BBOF1: variants seen among roughly 807,000 people sequenced by gnomAD.
BBOF1 encodes basal body-orientation factor 1.
A neutral mutation model predicts 68.0 loss-of-function variants in BBOF1; 62 were observed. The ratio of observed to expected loss-of-function variants is 0.91; its 90% CI spans 0.74 to 1.13. The LOEUF is 1.13. Ranked by LOEUF, BBOF1 falls within the 50% of genes most tolerant of loss-of-function variation. BBOF1 has a pLI of 0.00. For missense variants in BBOF1, 534 were observed against 600.1 expected, an observed-to-expected ratio of 0.89 and a Z score of 1.15; for synonymous variants, 208 against 198.8, an observed-to-expected ratio of 1.05 and a Z score of -0.39.
At chr14:74,066,727 G>T, downstream of BBOF1, 2 of 1,613,970 alleles carry the variant, frequency 1.2e-6, no homozygotes, top group East Asian at 2.2e-5. Flanking sequence ...GATGATGGTT[G>T]GTCCAACAAA....
At chr14:74,076,693 T>C (rs1381372711) in intron 9 of BBOF1, among the ~76,000 whole-genome samples, 1 of 152,100 alleles carries the variant, frequency 6.6e-6, no homozygotes, top group Non-Finnish European at 1.5e-5. Context: ...CCCGCCACCA[T>C]GCCTGGCTAA....
intron 1 of BBOF1, among the ~76,000 whole-genome samples, chr14:74,019,912 C>T (rs1216072031): frequency 6.6e-6 from 1 of 152,242 alleles, no homozygotes; most frequent in African/African-American, 2.4e-5. Context: ...TAGATTGCTA[C>T]TAGCCCTATT....
intron 11 of BBOF1, chr14:74,057,979 T>G (rs901168709): frequency 2.4e-6 from 2 of 839,390 alleles, no homozygotes; most frequent in South Asian, 5.2e-5. Flanking sequence ...ACTTGGAATA[T>G]AGACAATAAT....
In BBOF1 at chr14:74,072,476, G is replaced by A. The variant is rs547505878; in HGVS notation, n.1380-5720G>A. Reference sequence around the variant, plus strand: ...ACAACAGACACCCAGGTCCCTTCTTGCCCATCATGTCCCTAGAATTCTAGG... The same window carrying A: ...ACAACAGACACCCAGGTCCCTTCTTACCCATCATGTCCCTAGAATTCTAGG... On this transcript the variant is annotated intron_variant and non_coding_transcript_variant, in intron 9 of 12. Transcript: ENST00000492026. 2.5e-6 allele frequency: 4 copies of A among 1,612,974 alleles called. No homozygotes were observed. In the South Asian group the frequency reaches 4.4e-5, roughly 18 times the overall value.
chr14:74,068,855 G>A (rs764162485), downstream of BBOF1: 3 of 1,613,858 alleles, frequency 1.9e-6, no homozygotes, highest in South Asian at 2.2e-5. Flanking sequence ...GGAATAAGAA[G>A]TCACCATATT....
intron 8 of BBOF1, among the ~76,000 whole-genome samples, 188 bp downstream of exon 8, chr14:74,050,383 G>C (rs186278141): frequency 6.6e-6 from 1 of 152,180 alleles, no homozygotes; most frequent in African/African-American, 2.4e-5. Context: ...GTGGGGCTTT[G>C]GACGTATTCT....
rs192803721 is a variant in BBOF1, at chr14:74,057,425, C to T, written c.1578+167C>T. The T allele has an allele frequency of 7.2e-5, 109 of 1,512,520 alleles. No individual in the cohort carries two copies. The Admixed American group carries it at 8.7e-4, about 12-fold the overall frequency. 93.7% of individuals were successfully genotyped at this position (1,512,520 alleles called of 1,614,324 possible). ...TTACATAAATTTTTAAAGCAATATC[C>T]GTACAAATGCATATTATACTAATGC... On this transcript the variant is annotated intron_variant, in intron 11 of 11. Transcript: ENST00000394009.
intron 11 of BBOF1, among the ~76,000 whole-genome samples, chr14:74,064,021 C>T (rs1036650780): frequency 5.9e-5 from 9 of 151,558 alleles, no homozygotes; most frequent in Non-Finnish European, 1.2e-4. Flanking sequence ...TGCTACAGAC[C>T]GGGCAGAGTG....
In BBOF1 at chr14:74,034,211, T is replaced by C. The variant is rs781349196; in HGVS notation, c.495+40T>C. 3 of 1,397,696 alleles carry C rather than the reference T, an allele frequency of 2.1e-6. No homozygotes were observed. In the South Asian group the frequency reaches 4.5e-5, roughly 21 times the overall value. 86.6% of individuals were successfully genotyped at this position (1,397,696 alleles called of 1,614,324 possible). Reference sequence around the variant, plus strand: ...TTTTTTACAAAAAGGAAATTAGAATTAACTATTTAATGCCTACAGAAGCCT... The same window carrying C: ...TTTTTTACAAAAAGGAAATTAGAATCAACTATTTAATGCCTACAGAAGCCT... On this transcript the variant is annotated intron_variant, in intron 4 of 11. Coordinates refer to ENST00000394009, the MANE Select transcript of BBOF1 (RefSeq NM_025057.3).
downstream of BBOF1, chr14:74,066,944 C>T (rs2060476592): frequency 3.9e-6 from 6 of 1,525,794 alleles, no homozygotes; most frequent in East Asian, 4.5e-5. Flanking sequence ...TGACTGCTGC[C>T]AGGGCTCATG....
At chr14:74,072,194 A>G in intron 9 of BBOF1, 1 of 1,614,194 alleles carries the variant, frequency 6.2e-7, no homozygotes, top group Non-Finnish European at 8.5e-7. Context: ...TACCATTTAG[A>G]TTTCATACCA....
exon 11 of BBOF1, chr14:74,081,091 T>C (rs1035761286): frequency 3.3e-5 from 5 of 152,176 alleles, no homozygotes; most frequent in African/African-American, 1.2e-4. Context: ...ATCATCACTT[T>C]CTCTAGGAAG....
intron 4 of BBOF1, among the ~76,000 whole-genome samples, chr14:74,035,584 ATTTT>A (rs71460945): frequency 3.6e-4 from 29 of 81,392 alleles, no homozygotes; most frequent in African/African-American, 1.8e-3. Context: ...CCCCCAGCTA[ATTTT>A]TTTTTTTTTT....
chr14:74,027,385 C>CTTTTTTTTTTT (rs35107293), intron 2 of BBOF1, among the ~76,000 whole-genome samples: 2 of 61,072 alleles, frequency 3.3e-5, no homozygotes, highest in Non-Finnish European at 3.0e-5. Flanking sequence ...CCTCGCCCAG[C>CTTTTTTTTTTT]TTTTTTTTTT....
chr14:74,042,136 A>G (rs1021383860), intron 5 of BBOF1, among the ~76,000 whole-genome samples: 1 of 152,126 alleles, frequency 6.6e-6, no homozygotes, highest in African/African-American at 2.4e-5. Context: ...TGACCTCCCA[A>G]AGTGTTGGGA....
downstream of BBOF1, chr14:74,066,651 T>C (rs945711990): frequency 2.7e-6 from 4 of 1,495,364 alleles, no homozygotes; most frequent in African/African-American, 5.5e-5. Context: ...GATGAGATTC[T>C]ATAGCCTTTA....
chr14:74,071,912 A>G lies in BBOF1; in HGVS notation n.1380-6284A>G, dbSNP rs750775712. 6.2e-7 allele frequency: 1 copy of G among 1,614,204 alleles called. No individual in the cohort carries two copies. The highest frequency in any genetic ancestry group is 8.5e-7 in the Non-Finnish European group (1 of 1,180,018). ...CCAGCTTACGAAGGCCTCGAAATAC[A>G]TCTCCTTCAGCATCAGCTAGGGTCT... is the stretch of plus-strand genomic sequence containing the variant. On this transcript the variant is annotated intron_variant and non_coding_transcript_variant, in intron 9 of 12. Transcript: ENST00000492026.
Position 74,040,606 on chromosome 14 carries a change from G to C in BBOF1, c.537G>C (p.Glu179Asp), listed in dbSNP as rs1274684156. The C allele has an allele frequency of 6.3e-7, 1 of 1,596,202 alleles. No homozygotes were observed. Among genetic ancestry groups the C allele is most frequent in the Admixed American group, 1.8e-5 (1 of 56,094 alleles). ...NLRNTERIHQ[E>D]TLRRLESRFF... ...GAAACACAGAGCGGATACATCAGGA[G>C]ACTCTTAGAAGACTGGAAAGCAGAT... The change falls in exon 5 of 12, where the codon GAG (glutamate) becomes GAC (aspartate). Residue 179 changes from glutamate (E) to aspartate (D), a missense_variant. Coordinates refer to ENST00000394009, the MANE Select transcript of BBOF1 (RefSeq NM_025057.3).
chr14:74,057,540 G>C (rs575159453), intron 11 of BBOF1: 60 of 1,340,090 alleles, frequency 4.5e-5, no homozygotes, highest in Non-Finnish European at 5.5e-5. Flanking sequence ...TATCTTTTAC[G>C]TAAGAGTAAA....
Sources: allele counts gnomAD v4.1 joint callset (sites outside exome capture counted in the v4.1 genomes callset), GRCh38; gene constraint gnomAD v4.1.1; transcripts MANE v1.5; gene names NCBI Gene and HGNC (gene_info 2026-07-23, HGNC 2026-07-21).